NPL: variants seen among roughly 807,000 people sequenced by gnomAD.
The protein encoded by NPL is N-acetylneuraminate lyase.
A neutral mutation model predicts 41.1 loss-of-function variants in NPL; 32 were observed. The observed-to-expected ratio is 0.78, with a 90% CI of 0.59 to 1.05. The LOEUF (loss-of-function observed/expected upper bound fraction) is 1.05. Ranked by LOEUF, NPL falls within the 50% of genes least tolerant of loss-of-function variation. The pLI, the probability that NPL is intolerant of heterozygous loss-of-function variation, is 0.00. For missense variants in NPL, 321 were observed against 378.4 expected, an observed-to-expected ratio of 0.85 and a Z score of 1.26; for synonymous variants, 128 against 134.9, an observed-to-expected ratio of 0.95 and a Z score of 0.35.
intron 3 of NPL, among the ~76,000 whole-genome samples, chr1:182,802,612 G>T (rs1666882058): frequency 1.3e-5 from 2 of 152,172 alleles, no homozygotes; most frequent in Admixed American, 1.3e-4. Context: ...TCTTGGCAGG[G>T]TAACCATGGG....
chr1:182,810,361 T>C (rs1667141297), intron 5 of NPL, among the ~76,000 whole-genome samples: 1 of 152,208 alleles, frequency 6.6e-6, no homozygotes, highest in Non-Finnish European at 1.5e-5. Flanking sequence ...GGAAATTGCT[T>C]TTTATAGTGA....
Position 182,818,873 on chromosome 1 carries a change from AT to A in NPL, c.653+19del. On this transcript the variant is annotated intron_variant, in intron 10 of 12. Coordinates refer to ENST00000367553, the MANE Select transcript of NPL (RefSeq NM_030769.3). ...AGCAGTGGGCAGGTAAGCATGACTC[AT>A]TTTTCCCAGTGGTTATAAAGTCCCC... is the stretch of plus-strand genomic sequence containing the variant. 2 of 1,613,216 alleles carry A rather than the reference AT, an allele frequency of 1.2e-6. No individual in the cohort carries two copies. The highest frequency in any genetic ancestry group is 1.7e-6 in the Non-Finnish European group (2 of 1,179,238).
At chr1:182,823,003 G>A (rs911056073) in intron 11 of NPL, among the ~76,000 whole-genome samples, 5 of 152,312 alleles carry the variant, frequency 3.3e-5, no homozygotes, top group South Asian at 2.1e-4. Flanking sequence ...TGAGTAGCTG[G>A]GACTACAGGC....
intron 3 of NPL, among the ~76,000 whole-genome samples, chr1:182,796,166 C>CAAAAAAAAAAAA (rs11419574): frequency 9.7e-6 from 1 of 103,248 alleles, no homozygotes; most frequent in Non-Finnish European, 1.9e-5. Flanking sequence ...GGTGTGAAAT[C>CAAAAAAAAAAAA]AAAAAAAAAA....
intron 5 of NPL, among the ~76,000 whole-genome samples, chr1:182,807,109 A>G (rs1667037037): frequency 1.3e-5 from 2 of 152,156 alleles, no homozygotes; most frequent in Non-Finnish European, 2.9e-5. Context: ...AAGTGTTGGG[A>G]TTACAGGTGT....
intron 3 of NPL, among the ~76,000 whole-genome samples, chr1:182,802,768 CA>C (rs1223883846): frequency 1.3e-5 from 2 of 152,316 alleles, no homozygotes; most frequent in South Asian, 2.1e-4. Context: ...ATTTTGAAAT[CA>C]ATATGATTTT....
chr1:182,822,648 G>C (rs1358527260), intron 11 of NPL, among the ~76,000 whole-genome samples: 1 of 152,204 alleles, frequency 6.6e-6, no homozygotes, highest in African/African-American at 2.4e-5. Context: ...CCCTGGAAAT[G>C]TGCTGAGAAC....
chr1:182,805,313 C>T (rs1163661437), intron 4 of NPL, among the ~76,000 whole-genome samples: 1 of 152,186 alleles, frequency 6.6e-6, no homozygotes, highest in Non-Finnish European at 1.5e-5. Context: ...TCCCTGTAAT[C>T]CCAGTTACTC....
chr1:182,796,758 C>T (rs1367105149), intron 3 of NPL, among the ~76,000 whole-genome samples: 8 of 152,076 alleles, frequency 5.3e-5, no homozygotes, highest in African/African-American at 1.4e-4. Flanking sequence ...CTCTCTCGGC[C>T]GGGCACGGTG....
intron 12 of NPL, among the ~76,000 whole-genome samples, chr1:182,827,323 A>G (rs1298946888): frequency 1.3e-5 from 2 of 152,236 alleles, no homozygotes; most frequent in Non-Finnish European, 2.9e-5. Flanking sequence ...CTTTTTACAT[A>G]TTAACAGTGT....
At chr1:182,819,928 G>T (rs73065399) in intron 10 of NPL, among the ~76,000 whole-genome samples, 1 of 152,170 alleles carries the variant, frequency 6.6e-6, no homozygotes, top group African/African-American at 2.4e-5. Context: ...TGTACAACCA[G>T]GCCTCAGAGA....
In NPL at chr1:182,806,230, C is replaced by G. The variant is rs1553233610; in HGVS notation, c.228C>G (p.Asp76Glu). 1.2e-6 allele frequency: 2 copies of G among 1,614,184 alleles called. No individual in the cohort carries two copies. Among genetic ancestry groups the G allele is most frequent in the East Asian group, 2.2e-5 (1 of 44,886 alleles). The change falls in exon 5 of 13, where the codon GAC (aspartate) becomes GAG (glutamate). Residue 76 changes from aspartate to glutamate, a missense_variant and splice_region_variant. Transcript: ENST00000367553. ...VAEEWVTKGK[D>E]KLDQVIIHVG... Reference sequence around the variant, plus strand: ...AGGAGTGGGTGACAAAAGGGAAGGACAAGTGAGTGGCTGCATGAGGATAAA... The same window carrying G: ...AGGAGTGGGTGACAAAAGGGAAGGAGAAGTGAGTGGCTGCATGAGGATAAA...
At chr1:182,812,498 C>T (rs1031383672) in intron 6 of NPL, among the ~76,000 whole-genome samples, 1 of 152,044 alleles carries the variant, frequency 6.6e-6, no homozygotes, top group Admixed American at 6.6e-5. Context: ...CAGAACTGAG[C>T]CAATTTCAGT....
chr1:182,815,945 G>A (rs150065394), intron 7 of NPL, among the ~76,000 whole-genome samples: 11 of 152,248 alleles, frequency 7.2e-5, no homozygotes, highest in Admixed American at 2.0e-4. Flanking sequence ...AAATTTTTAC[G>A]TGAATATGTT....
At chr1:182,800,496 A>G (rs562778097) in intron 3 of NPL, among the ~76,000 whole-genome samples, 1 of 150,526 alleles carries the variant, frequency 6.6e-6, no homozygotes, top group Admixed American at 6.6e-5. Flanking sequence ...TTTTCGCCCT[A>G]ACCCTGCCTT....
chr1:182,814,660 C>A, intron 6 of NPL, 123 bp from the exon 7 acceptor site: 1 of 816,930 alleles, frequency 1.2e-6, no homozygotes, highest in South Asian at 1.5e-5. Flanking sequence ...GGTTAATTTT[C>A]CCACTTTCCA....
At chr1:182,794,543 C>G in intron 3 of NPL, 104 bp downstream of exon 3, 1 of 1,182,222 alleles carries the variant, frequency 8.5e-7, no homozygotes, top group Non-Finnish European at 1.3e-6. Flanking sequence ...CTCTGTAGAA[C>G]TGTTGCCAAA....
At chr1:182,814,179 G>T (rs1444595498) in intron 6 of NPL, among the ~76,000 whole-genome samples, 2 of 152,222 alleles carry the variant, frequency 1.3e-5, no homozygotes. Flanking sequence ...ACTCTAGTTG[G>T]AGGACAGTCA....
Position 182,829,006 on chromosome 1 carries a change from C to T in NPL, c.*98C>T. Reference sequence around the variant, plus strand: ...AATTTTAGATGAACTTGAATAAACTCTCCTAGCAAATGAAATCTCACAATA... The same window carrying T: ...AATTTTAGATGAACTTGAATAAACTTTCCTAGCAAATGAAATCTCACAATA... On this transcript the variant is annotated 3_prime_UTR_variant, in exon 13 of 13. Coordinates refer to ENST00000367553, the MANE Select transcript of NPL (RefSeq NM_030769.3). 2 of 1,586,462 alleles carry T rather than the reference C, an allele frequency of 1.3e-6. No individual in the cohort carries two copies. Among genetic ancestry groups the T allele is most frequent in the Non-Finnish European group, 1.7e-6 (2 of 1,172,782 alleles).
Sources: allele counts gnomAD v4.1 joint callset (sites outside exome capture counted in the v4.1 genomes callset), GRCh38; gene constraint gnomAD v4.1.1; transcripts MANE v1.5; gene names NCBI Gene and HGNC (gene_info 2026-07-23, HGNC 2026-07-21).